The following FAM184B variants were observed in gnomAD, a reference collection of about 807,000 sequenced individuals.
FAM184B encodes family with sequence similarity 184 member B.
FAM184B carries 111 observed loss-of-function variants against 135.9 expected under a neutral mutation model. The observed-to-expected ratio is 0.82, with a 90% CI of 0.70 to 0.96. The LOEUF (loss-of-function observed/expected upper bound fraction) is 0.96. Ranked by LOEUF, FAM184B falls within the 40% of genes least tolerant of loss-of-function variation. FAM184B has a pLI of 0.00. For synonymous variants in FAM184B, 552 were observed against 524.8 expected, an observed-to-expected ratio of 1.05 and a Z score of -0.71; for missense variants, 1,375 against 1,323.9, an observed-to-expected ratio of 1.04 and a Z score of -0.60.
At position 17,642,205 on chromosome 4, in the gene FAM184B, G is replaced by A. The variant is rs775877096; in HGVS notation, c.2370C>T (p.Ala790=). 3 of 1,514,872 alleles carry A rather than the reference G, an allele frequency of 2.0e-6. No individual in the cohort carries two copies. The highest frequency in any genetic ancestry group is 2.5e-5 in the South Asian group (2 of 81,164). The allele number at this position is 1,514,872 out of a possible 1,614,324, so 93.8% of individuals were successfully genotyped here. Residue 790 remains alanine (A), a synonymous_variant, in exon 13 of 18, where the codon GCC becomes GCT. Coordinates refer to ENST00000265018, the MANE Select transcript of FAM184B (RefSeq NM_015688.2). ...ATEERGGPGQ[A]GSPPGAAGQG... ...GCCCAGCAGCGCCCGGTGGGGAGCC[G>A]GCCTGGCCCGGGCCGCCCCGCTCCT... is the stretch of plus-strand genomic sequence containing the variant.
intron 3 of FAM184B, 101 bp from the exon 4 acceptor site, chr4:17,705,992 T>A: frequency 6.9e-7 from 1 of 1,447,660 alleles, no homozygotes; most frequent in Non-Finnish European, 9.3e-7. Flanking sequence ...ACAACCACTT[T>A]GTCCAACATC....
rs890346507 is a variant in FAM184B, at chr4:17,635,097, T to G, written c.2801A>C (p.His934Pro). ...IKQLTEERRFHYAAFPSAMSH... is the reference protein window; with the variant it reads ...IKQLTEERRFPYAAFPSAMSH... ...CATGGCACTGGGGAATGCTGCGTAGTGAAATCTTCTCTCTTCCTAGAAAAC... is the reference window on the plus strand; with the variant it reads ...CATGGCACTGGGGAATGCTGCGTAGGGAAATCTTCTCTCTTCCTAGAAAAC... The change falls in exon 16 of 18, where the codon CAC becomes CCC. Residue 934 changes from histidine to proline, a missense_variant. By Grantham distance (77) the His-to-Pro change is moderately conservative. Coordinates refer to ENST00000265018, the MANE Select transcript of FAM184B (RefSeq NM_015688.2). The G allele has an allele frequency of 6.4e-7, 1 of 1,551,424 alleles. No homozygotes were observed. The highest frequency in any genetic ancestry group is 1.4e-5 in the African/African-American group (1 of 73,016).
At chr4:17,696,481 C>T (rs1037632238) in intron 5 of FAM184B, among the ~76,000 whole-genome samples, 3 of 152,176 alleles carry the variant, frequency 2.0e-5, no homozygotes, top group African/African-American at 7.2e-5. Flanking sequence ...GGAGAAAGTA[C>T]TCTTCATCAA....
intron 1 of FAM184B, among the ~76,000 whole-genome samples, chr4:17,714,766 A>G (rs1717369759): frequency 6.6e-6 from 1 of 152,150 alleles, no homozygotes; most frequent in African/African-American, 2.4e-5. Flanking sequence ...CCCACCCAAA[A>G]TTAACACAAA....
At chr4:17,754,618 C>T (rs1718380582) in intron 1 of FAM184B, among the ~76,000 whole-genome samples, 1 of 149,832 alleles carries the variant, frequency 6.7e-6, no homozygotes, top group Non-Finnish European at 1.5e-5. Flanking sequence ...TAAAATTTTA[C>T]TGACACATCC....
In FAM184B at chr4:17,655,229, C is replaced by T. The variant is rs138316163; in HGVS notation, c.2038-2246G>A. ...CTCCTCTTTCCCTTGCTGCAAGGCT[C>T]AGAGAACACCAATTGGTGACATGTT... On this transcript the variant is annotated intron_variant, in intron 10 of 17. Coordinates refer to ENST00000265018, the MANE Select transcript of FAM184B (RefSeq NM_015688.2). Among the ~76,000 whole-genome samples the T allele has an allele frequency of 2.5e-3, 386 of 152,324 alleles. 3 individuals are homozygous for T. Among genetic ancestry groups the T allele is most frequent in the African/African-American group, 8.2e-3 (341 of 41,566 alleles).
chr4:17,768,418 G>A (rs1034126500), intron 1 of FAM184B, among the ~76,000 whole-genome samples: 20 of 149,354 alleles, frequency 1.3e-4, no homozygotes, highest in African/African-American at 4.9e-4. Flanking sequence ...GGGACTACAG[G>A]CACACCCCGC....
In FAM184B at chr4:17,639,241, C is replaced by T. The variant is rs1011841120; in HGVS notation, c.2666+9G>A. 3.2e-6 allele frequency: 5 copies of T among 1,551,348 alleles called. No individual in the cohort carries two copies. The highest frequency in any genetic ancestry group is 4.4e-6 in the Non-Finnish European group (5 of 1,146,752). The stretch of plus-strand genomic sequence containing the variant: ...CAAGACCCTCCCTGGGGCCCGAGGC[C>T]TCACTTACTCGGCTTCCAGGGCAGC... On this transcript the variant is annotated intron_variant, in intron 14 of 17. Coordinates refer to ENST00000265018, the MANE Select transcript of FAM184B (RefSeq NM_015688.2).
rs117366668 is a variant in FAM184B at position 17,708,338 on chromosome 4, A to T, written c.894+554T>A. Among the ~76,000 whole-genome samples, 382 of 152,082 alleles carry T rather than the reference A, an allele frequency of 2.5e-3. 7 individuals carry two copies. In the East Asian group the frequency reaches 0.048, roughly 19 times the overall value. ...GCCCATAGCCCTGGGCCTGGCAGAT[A>T]GTCAGTGTTCAATAAATATCTGTGG... On this transcript the variant is annotated intron_variant, in intron 2 of 17. Transcript: ENST00000265018.
intron 7 of FAM184B, among the ~76,000 whole-genome samples, chr4:17,675,125 C>A (rs1429724691): frequency 6.6e-6 from 1 of 152,192 alleles, no homozygotes; most frequent in African/African-American, 2.4e-5. Context: ...GCAGCTATAA[C>A]CTTATGAAAT....
At chr4:17,658,666 C>A in intron 9 of FAM184B, 104 bp from the exon 10 acceptor site, 1 of 1,129,962 alleles carries the variant, frequency 8.8e-7, no homozygotes, top group South Asian at 1.5e-5. Context: ...AGCTGAGCCT[C>A]CTCTGTCTGT....
intron 15 of FAM184B, 120 bp downstream of exon 15, chr4:17,636,408 G>A: frequency 1.2e-6 from 1 of 802,778 alleles, no homozygotes; most frequent in Non-Finnish European, 2.0e-6. Flanking sequence ...CGGCAAGAAA[G>A]GATTCTTTGT....
intron 1 of FAM184B, among the ~76,000 whole-genome samples, chr4:17,753,219 A>C (rs754223685): frequency 3.3e-5 from 5 of 152,146 alleles, no homozygotes; most frequent in Non-Finnish European, 5.9e-5. Context: ...TTGTTTGTTT[A>C]TTTACATATT....
At chr4:17,776,700 CA>C (rs1250317220) in intron 1 of FAM184B, among the ~76,000 whole-genome samples, 2 of 152,106 alleles carry the variant, frequency 1.3e-5, no homozygotes, top group Admixed American at 1.3e-4. Context: ...CCAGTTAACA[CA>C]GTCTTAATCA....
chr4:17,761,377 T>C (rs1302209614), intron 1 of FAM184B, among the ~76,000 whole-genome samples: 1 of 152,198 alleles, frequency 6.6e-6, no homozygotes, highest in Non-Finnish European at 1.5e-5. Context: ...GCTTGGACTT[T>C]CAGGCTCCAG....
rs1250108051 is a variant in FAM184B, at chr4:17,639,553, CTT to C, written c.2520-159_2520-158del. ...CCTGTGGGAAGAAGAGCTGAAGTCT[CTT>C]GAGTTGTGGAGTCCAGGACAAACCC... is the stretch of plus-strand genomic sequence containing the variant. On this transcript the variant is annotated intron_variant, in intron 13 of 17. Coordinates refer to ENST00000265018, the MANE Select transcript of FAM184B (RefSeq NM_015688.2). Among the ~76,000 whole-genome samples, 7 of 152,302 alleles carry C rather than the reference CTT, an allele frequency of 4.6e-5. No homozygotes were observed. The South Asian group carries it at 1.0e-3, about 23-fold the overall frequency.
At position 17,709,417 on chromosome 4, in the gene FAM184B, G is replaced by C; in HGVS notation, c.369C>G (p.Ala123=). The change falls in exon 2 of 18, where the codon GCC becomes GCG. Residue 123 remains alanine, a synonymous_variant. Transcript: ENST00000265018. ...RLTEEALAES[A]SCRLETKERE... is the part of the protein sequence containing the mutation. ...TCTCCTTCGTCTCCAGCCTGCACGAGGCCGACTCAGCCAGCGCCTCCTCCG... is the reference window on the plus strand; with the variant it reads ...TCTCCTTCGTCTCCAGCCTGCACGACGCCGACTCAGCCAGCGCCTCCTCCG... 6.6e-7 allele frequency: 1 copy of C among 1,518,356 alleles called. No homozygotes were observed. Among genetic ancestry groups the C allele is most frequent in the Non-Finnish European group, 8.9e-7 (1 of 1,127,504 alleles). The allele number at this position is 1,518,356 out of a possible 1,614,324, so 94.1% of individuals were successfully genotyped here. A position where few individuals can be genotyped will look rare whatever the true frequency, so the allele number is the denominator to read the frequency against.
chr4:17,737,713 C>T (rs1004048870), intron 1 of FAM184B, among the ~76,000 whole-genome samples: 1 of 152,074 alleles, frequency 6.6e-6, no homozygotes, highest in Non-Finnish European at 1.5e-5. Context: ...AAAGTATCTC[C>T]CAACACCCTA....
chr4:17,721,545 G>A (rs116163377), intron 1 of FAM184B, among the ~76,000 whole-genome samples: 5,964 of 152,136 alleles, frequency 0.039, 265 homozygotes, highest in African/African-American at 0.11. Flanking sequence ...AGGAAGTAGC[G>A]CAAAGGCATG....
Sources: allele counts gnomAD v4.1 joint callset (sites outside exome capture counted in the v4.1 genomes callset), GRCh38; gene constraint gnomAD v4.1.1; transcripts MANE v1.5; gene names NCBI Gene and HGNC (gene_info 2026-07-23, HGNC 2026-07-21).